PDE1C: variants seen among roughly 807,000 people sequenced by gnomAD.
PDE1C encodes phosphodiesterase 1C.
In PDE1C, 62 loss-of-function variants were observed where a neutral mutation model predicts 93.1. That is an observed-to-expected ratio of 0.67 (90% confidence interval 0.54 to 0.82). The LOEUF (loss-of-function observed/expected upper bound fraction) is 0.82. Ranked by LOEUF, PDE1C falls within the 40% of genes least tolerant of loss-of-function variation. PDE1C has a pLI of 0.00. For missense variants in PDE1C, 742 were observed against 884.6 expected, an observed-to-expected ratio of 0.84 and a Z score of 2.04; for synonymous variants, 325 against 310.1, an observed-to-expected ratio of 1.05 and a Z score of -0.50.
the PDE1C span, among the ~76,000 whole-genome samples, chr7:31,720,840 A>G: frequency 6.6e-6 from 1 of 152,214 alleles, no homozygotes; most frequent in Non-Finnish European, 1.5e-5. Flanking sequence ...ACTTTTTAGT[A>G]CCTTAACGCC....
At chr7:31,659,996 A>G in the PDE1C span, among the ~76,000 whole-genome samples, 1 of 152,154 alleles carries the variant, frequency 6.6e-6, no homozygotes, top group African/African-American at 2.4e-5. Flanking sequence ...TGTTCTCATG[A>G]TAGTGAGTTC....
At chr7:32,336,712 G>A (rs954791701) in intron 1 of PDE1C, among the ~76,000 whole-genome samples, 1 of 152,184 alleles carries the variant, frequency 6.6e-6, no homozygotes. Flanking sequence ...TTAGCTTTTA[G>A]AAAAGGGAAT....
chr7:32,016,756 A>G (rs185607337), intron 2 of PDE1C, among the ~76,000 whole-genome samples: 2 of 152,354 alleles, frequency 1.3e-5, no homozygotes, highest in African/African-American at 4.8e-5. Flanking sequence ...TCAAGAATGT[A>G]TATGTAGTCT....
At chr7:32,155,516 G>C (rs1267223352) in intron 3 of PDE1C, among the ~76,000 whole-genome samples, 2 of 152,294 alleles carry the variant, frequency 1.3e-5, no homozygotes, top group Non-Finnish European at 2.9e-5. Context: ...TGGCAGAGTG[G>C]TTGCTCAGTG....
At chr7:31,639,599 C>T in the PDE1C span, among the ~76,000 whole-genome samples, 1 of 148,578 alleles carries the variant, frequency 6.7e-6, no homozygotes, top group Non-Finnish European at 1.5e-5. Flanking sequence ...TGCAGTGGCG[C>T]AATCTCAGCT....
chr7:32,357,343 A>AG (rs1034949216), intron 1 of PDE1C, among the ~76,000 whole-genome samples: 4 of 152,210 alleles, frequency 2.6e-5, no homozygotes, highest in African/African-American at 9.6e-5. Context: ...CACACAAAAA[A>AG]AAAACCTTTA....
At chr7:31,685,186 G>C in the PDE1C span, among the ~76,000 whole-genome samples, 2 of 151,832 alleles carry the variant, frequency 1.3e-5, no homozygotes, top group East Asian at 3.9e-4. Flanking sequence ...AAACATTCTT[G>C]AATTGACAAA....
At chr7:31,733,167 G>C in the PDE1C span, among the ~76,000 whole-genome samples, 1 of 152,166 alleles carries the variant, frequency 6.6e-6, no homozygotes, top group Non-Finnish European at 1.5e-5. Flanking sequence ...CAAATGGATA[G>C]AGACTGAGCA....
intron 1 of PDE1C, chr7:32,298,563 C>A (rs1812775515): frequency 6.8e-7 from 1 of 1,479,040 alleles, no homozygotes; most frequent in Admixed American, 2.0e-5. Context: ...CCCTGAGCTC[C>A]CCCTGCCCGC....
intron 1 of PDE1C, among the ~76,000 whole-genome samples, chr7:32,321,196 C>T (rs578138662): frequency 3.9e-5 from 6 of 152,314 alleles, no homozygotes; most frequent in African/African-American, 1.4e-4. Context: ...CAAATTAAGA[C>T]CCCTCATTTC....
At chr7:31,867,148 A>G (rs1795403198) in intron 6 of PDE1C, among the ~76,000 whole-genome samples, 3 of 152,076 alleles carry the variant, frequency 2.0e-5, no homozygotes, top group Admixed American at 2.0e-4. Flanking sequence ...GGGATGAAGT[A>G]TGAACCATCA....
At chr7:31,885,714 A>G (rs1797783780) in intron 2 of PDE1C, among the ~76,000 whole-genome samples, 1 of 152,140 alleles carries the variant, frequency 6.6e-6, no homozygotes, top group South Asian at 2.1e-4. Flanking sequence ...TTTTTTCCAC[A>G]AAGATAATTC....
At chr7:31,843,701 A>G (rs1057451757) in intron 9 of PDE1C, among the ~76,000 whole-genome samples, 1 of 151,760 alleles carries the variant, frequency 6.6e-6, no homozygotes, top group Non-Finnish European at 1.5e-5. Flanking sequence ...ATATAGTTGC[A>G]TTTGGGTCTA....
At chr7:32,047,047 G>GTA (rs1792683638) in intron 2 of PDE1C, among the ~76,000 whole-genome samples, 2 of 125,436 alleles carry the variant, frequency 1.6e-5, no homozygotes, top group African/African-American at 6.1e-5. Flanking sequence ...GTGTGTGTGT[G>GTA]TGTGTGCGAG....
intron 2 of PDE1C, among the ~76,000 whole-genome samples, chr7:31,956,494 T>A (rs1246620305): frequency 6.6e-6 from 1 of 151,778 alleles, no homozygotes; most frequent in Non-Finnish European, 1.5e-5. Flanking sequence ...GTTTTGTTTT[T>A]TTTTTTAATG....
At chr7:31,855,635 A>G (rs761701244) in intron 7 of PDE1C, among the ~76,000 whole-genome samples, 10 of 151,656 alleles carry the variant, frequency 6.6e-5, no homozygotes, top group Admixed American at 4.6e-4. Context: ...ATACATTGAT[A>G]TTATGTATTA....
chr7:31,791,657 GT>G (rs1562802656), intron 16 of PDE1C, among the ~76,000 whole-genome samples: 1 of 152,062 alleles, frequency 6.6e-6, no homozygotes, highest in Non-Finnish European at 1.5e-5. Context: ...AGAAGGTTGG[GT>G]TTGATTTTTT....
intron 3 of PDE1C, chr7:32,077,967 G>C (rs1254528388): frequency 2.0e-6 from 2 of 985,306 alleles, no homozygotes; most frequent in South Asian, 4.7e-5. Flanking sequence ...CAGCAAGACA[G>C]TGCAGGCCTC....
At chr7:32,055,396 C>T (rs752387833) in intron 1 of PDE1C, among the ~76,000 whole-genome samples, 3 of 152,044 alleles carry the variant, frequency 2.0e-5, no homozygotes, top group African/African-American at 4.8e-5. Flanking sequence ...TACCTACTTT[C>T]GACTTGACAG....
Sources: gnomAD v4.1 joint callset for allele counts (sites outside exome capture counted in the v4.1 genomes callset) on GRCh38, gnomAD v4.1.1 for gene constraint, MANE v1.5 for transcripts, NCBI Gene and HGNC (gene_info 2026-07-23, HGNC 2026-07-21) for gene names.